Variants in IKZF3 observed in about 807,000 individuals in gnomAD.
IKZF3 encodes the protein zinc finger protein Aiolos.
In IKZF3, 10 loss-of-function variants were observed where a neutral mutation model predicts 49.0. The observed-to-expected ratio is 0.20, with a 90% CI of 0.13 to 0.35. The LOEUF is 0.35. Ranked by LOEUF, IKZF3 falls within the 10% of genes least tolerant of loss-of-function variation. IKZF3 has a pLI of 1.00. For synonymous variants in IKZF3, 209 were observed against 228.2 expected, an observed-to-expected ratio of 0.92 and a Z score of 0.76; for missense variants, 498 against 664.8, an observed-to-expected ratio of 0.75 and a Z score of 2.76.
rs1208270913 is a variant in IKZF3, at chr17:39,763,473, C to T, written c.*2317G>A. On this transcript the variant is annotated 3_prime_UTR_variant, in exon 8 of 8. Transcript: ENST00000346872. ...GTCCCTGGAAGCAGAATTTATTTTC[C>T]CTAACATAATTTCTTAAAAAGTAAA... 2 of 151,970 alleles carry T rather than the reference C, an allele frequency of 1.3e-5. No individual in the cohort carries two copies. The highest frequency in any genetic ancestry group is 1.3e-4 in the Admixed American group (2 of 15,260). 9.4% of individuals were successfully genotyped at this position (151,970 alleles called of 1,614,324 possible).
At chr17:39,799,513 A>C (rs1252930084) in intron 3 of IKZF3, among the ~76,000 whole-genome samples, 3 of 152,180 alleles carry the variant, frequency 2.0e-5, no homozygotes, top group Non-Finnish European at 4.4e-5. Flanking sequence ...TTCTCTCTAT[A>C]CTAGAACTTT....
chr17:39,855,995 T>TAC (rs1297837230), intron 1 of IKZF3, among the ~76,000 whole-genome samples: 81 of 150,838 alleles, frequency 5.4e-4, no homozygotes, highest in Middle Eastern at 3.4e-3. Context: ...ATGTATATTG[T>TAC]ATATGTACAA....
At position 39,792,797 on chromosome 17, in the gene IKZF3, C is replaced by T. The variant is rs35792429; in HGVS notation, c.300G>A (p.Lys100=). The change falls in exon 4 of 8, where the codon AAG becomes AAA. Residue 100 remains lysine, a synonymous_variant. Transcript: ENST00000346872. Reference sequence around the variant, plus strand: ...CGAATGAGACAACATGTCTCTCCAACTTAATGTTTTCATATTCATTATATT... The same window carrying T: ...CGAATGAGACAACATGTCTCTCCAATTTAATGTTTTCATATTCATTATATT... ...SREYNEYENI[K]LERHVVSFDS... 2,111 of 1,614,162 alleles carry T rather than the reference C, an allele frequency of 1.3e-3. 26 individuals are homozygous for T. In the African/African-American group the frequency reaches 0.025, roughly 19 times the overall value.
rs2060922158 is a variant in IKZF3, at chr17:39,788,271, G to C, written c.696C>G (p.Asp232Glu). 1 of 1,611,328 alleles carries C rather than the reference G, an allele frequency of 6.2e-7. No individual in the cohort carries two copies. The highest frequency in any genetic ancestry group is 8.5e-7 in the Non-Finnish European group (1 of 1,177,590). The change falls in exon 6 of 8, where the codon GAC becomes GAG. Residue 232 changes from aspartate to glutamate, a missense_variant. Coordinates refer to ENST00000346872, the MANE Select transcript of IKZF3 (RefSeq NM_012481.5). ...ERCRTFLQST[D>E]PGDTASAEAR... ...GCGTGAACTCACCAGTGTCCCCTGG[G>C]TCAGTGCTCTGAAGAAATGTACGGC...
intron 6 of IKZF3, among the ~76,000 whole-genome samples, chr17:39,781,215 C>T (rs2060734304): frequency 6.6e-6 from 1 of 152,168 alleles, no homozygotes; most frequent in Admixed American, 6.5e-5. Context: ...AAAACCACCA[C>T]CAGATGTGGC....
chr17:39,818,943 TAG>T (rs1391391410), intron 3 of IKZF3, among the ~76,000 whole-genome samples: 1 of 126,124 alleles, frequency 7.9e-6, no homozygotes, highest in Non-Finnish European at 1.7e-5. Flanking sequence ...CCAAATTATT[TAG>T]AGTGATTGAT....
rs2060230539 is a variant in IKZF3, at chr17:39,763,829, G to A, written c.*1961C>T. On this transcript the variant is annotated 3_prime_UTR_variant, in exon 8 of 8. Transcript: ENST00000346872. ...CCTATTTTATGGATGAGGAAACTGA[G>A]TTTTTTTTGTTTTTGTTTGTTTGTT... 1 of 151,988 alleles carries A rather than the reference G, an allele frequency of 6.6e-6. No individual in the cohort carries two copies. Among genetic ancestry groups the A allele is most frequent in the Non-Finnish European group, 1.5e-5 (1 of 68,010 alleles). 9.4% of individuals were successfully genotyped at this position (151,988 alleles called of 1,614,324 possible). A position where few individuals can be genotyped will look rare whatever the true frequency, so the allele number is the denominator to read the frequency against.
intron 3 of IKZF3, among the ~76,000 whole-genome samples, chr17:39,795,545 T>A (rs1180361818): frequency 1.3e-5 from 2 of 151,978 alleles, no homozygotes; most frequent in African/African-American, 4.8e-5. Flanking sequence ...TAGCTGGGAT[T>A]ACAGGCATGC....
At chr17:39,799,814 G>T (rs1045879572) in intron 3 of IKZF3, among the ~76,000 whole-genome samples, 3 of 152,100 alleles carry the variant, frequency 2.0e-5, no homozygotes, top group African/African-American at 7.2e-5. Context: ...CTTCCATGAA[G>T]TCTTCCTTGA....
intron 6 of IKZF3, 46 bp downstream of exon 6, chr17:39,788,212 A>G (rs778479801): frequency 8.7e-7 from 1 of 1,152,796 alleles, no homozygotes. Flanking sequence ...GTATCTCACC[A>G]CCTAGGACAG....
intron 1 of IKZF3, chr17:39,835,416 G>A: frequency 2.1e-6 from 1 of 472,178 alleles, no homozygotes; most frequent in South Asian, 1.5e-5. Context: ...CGGCCTCCAG[G>A]GAAGCCCTCT....
At chr17:39,845,334 A>C (rs2062599084) in intron 1 of IKZF3, among the ~76,000 whole-genome samples, 1 of 151,992 alleles carries the variant, frequency 6.6e-6, no homozygotes, top group African/African-American at 2.4e-5. Context: ...AGCCTGGTCA[A>C]CATGGCAAAA....
At chr17:39,815,932 TG>T (rs1422878746) in intron 3 of IKZF3, among the ~76,000 whole-genome samples, 19 of 152,336 alleles carry the variant, frequency 1.2e-4, no homozygotes, top group African/African-American at 4.6e-4. Flanking sequence ...TATGATATAA[TG>T]GGGTGAAACC....
At chr17:39,803,583 G>A (rs1056551503) in intron 3 of IKZF3, among the ~76,000 whole-genome samples, 3 of 149,678 alleles carry the variant, frequency 2.0e-5, no homozygotes, top group East Asian at 2.0e-4. Flanking sequence ...GCGCGATCTC[G>A]GCTCACAGCA....
intron 3 of IKZF3, among the ~76,000 whole-genome samples, chr17:39,809,344 G>A (rs2061500097): frequency 6.6e-6 from 1 of 152,150 alleles, no homozygotes; most frequent in Non-Finnish European, 1.5e-5. Context: ...GCAGCTAAAC[G>A]AGAAAACATC....
intron 1 of IKZF3, among the ~76,000 whole-genome samples, chr17:39,847,719 GA>G (rs757907802): frequency 3.9e-5 from 6 of 152,190 alleles, no homozygotes; most frequent in Non-Finnish European, 7.4e-5. Context: ...AATTCTGGAA[GA>G]TAAATAGGGG....
chr17:39,820,907 A>G (rs942546712), intron 3 of IKZF3, among the ~76,000 whole-genome samples: 2 of 152,202 alleles, frequency 1.3e-5, no homozygotes, highest in African/African-American at 4.8e-5. Flanking sequence ...AACAAGATTC[A>G]GAGAGCTTCA....
chr17:39,852,559 T>C (rs2062909267), intron 1 of IKZF3, among the ~76,000 whole-genome samples: 1 of 152,172 alleles, frequency 6.6e-6, no homozygotes, highest in Non-Finnish European at 1.5e-5. Context: ...TGACTGCTCT[T>C]TCTCTTTTGC....
chr17:39,822,584 T>C (rs1469539313), intron 3 of IKZF3, among the ~76,000 whole-genome samples: 71 of 135,562 alleles, frequency 5.2e-4, no homozygotes, highest in African/African-American at 2.1e-3. Context: ...ATTTCTTTCT[T>C]TTTTTTTTTT....
Sources: allele counts gnomAD v4.1 joint callset (sites outside exome capture counted in the v4.1 genomes callset), GRCh38; gene constraint gnomAD v4.1.1; transcripts MANE v1.5; gene names NCBI Gene and HGNC (gene_info 2026-07-23, HGNC 2026-07-21).